ADPRM: variants seen among roughly 807,000 people sequenced by gnomAD.
The protein encoded by ADPRM is manganese-dependent ADP-ribose/CDP-alcohol diphosphatase.
A neutral mutation model predicts 27.2 loss-of-function variants in ADPRM; 17 were observed. That is an observed-to-expected ratio of 0.63 (90% CI 0.43 to 0.94). The LOEUF is 0.94. Ranked by LOEUF, ADPRM falls within the 40% of genes least tolerant of loss-of-function variation. The pLI, the probability that ADPRM is intolerant of heterozygous loss-of-function variation, is 0.00. For synonymous variants in ADPRM, 135 were observed against 145.3 expected, an observed-to-expected ratio of 0.93 and a Z score of 0.51; for missense variants, 337 against 412.8, an observed-to-expected ratio of 0.82 and a Z score of 1.59.
intron 3 of ADPRM, among the ~76,000 whole-genome samples, chr17:10,710,590 G>C (rs1380183551): frequency 2.0e-5 from 3 of 152,146 alleles, no homozygotes; most frequent in Admixed American, 6.5e-5. Context: ...AGAGATTCAG[G>C]GTTTTGCCTC....
At chr17:10,700,104 A>G (rs2520161) in intron 1 of ADPRM, among the ~76,000 whole-genome samples, 76,136 of 151,960 alleles carry the variant, frequency 0.5, 19,880 homozygotes, top group African/African-American at 0.65. Flanking sequence ...CGTAGAAAAC[A>G]TATGCTGCAC....
chr17:10,706,166 CAA>C (rs748630480), intron 2 of ADPRM, among the ~76,000 whole-genome samples: 2 of 152,106 alleles, frequency 1.3e-5, no homozygotes, highest in Non-Finnish European at 2.9e-5. Flanking sequence ...TAAACGGGGC[CAA>C]GAATATGTAG....
intron 1 of ADPRM, among the ~76,000 whole-genome samples, chr17:10,701,630 A>G (rs1343088652): frequency 6.6e-6 from 1 of 151,902 alleles, no homozygotes; most frequent in Non-Finnish European, 1.5e-5. Flanking sequence ...CGCCTGGCCT[A>G]TATGTACATT....
intron 2 of ADPRM, 51 bp from the exon 3 acceptor site, chr17:10,706,387 A>C (rs746680905): frequency 1.5e-6 from 2 of 1,323,384 alleles, no homozygotes. Context: ...TTGAATGTCC[A>C]AATGAGGGGA....
In ADPRM at chr17:10,706,458, G is replaced by A. The variant is rs760852389; in HGVS notation, c.622G>A (p.Val208Ile). 5.0e-6 allele frequency: 8 copies of A among 1,599,504 alleles called. No homozygotes were observed. The highest frequency in any genetic ancestry group is 6.0e-6 in the Non-Finnish European group (7 of 1,174,962). The change falls in exon 3 of 4, where the codon GTC becomes ATC. Residue 208 changes from valine to isoleucine, a missense_variant. Physicochemically the swap from Val to Ile is conservative, Grantham distance 29. Transcript: ENST00000379774. ...SPQGLSEPQF[V>I]QFNGGFSQEQ... The stretch of plus-strand genomic sequence containing the variant: ...TTCAGGACTTTCTGAGCCCCAGTTT[G>A]TCCAGTTTAATGGAGGATTCAGCCA...
chr17:10,702,510 T>C lies in ADPRM; in HGVS notation c.-17-2400T>C, dbSNP rs1597514720. On this transcript the variant is annotated intron_variant, in intron 1 of 3. Transcript: ENST00000379774. This position sits in a 1 kb window ranked among gnomAD's most constrained non-coding sequence, Gnocchi z 4.2. ...TGAATTTAGGTATTCAACTAATGTT[T>C]TCAGAAATCTCCATCTTTCCATCAT... Among the ~76,000 whole-genome samples the C allele has an allele frequency of 2.6e-5, 4 of 152,340 alleles. No individual in the cohort carries two copies. Among genetic ancestry groups the C allele is most frequent in the Admixed American group, 2.6e-4 (4 of 15,306 alleles).
Position 10,711,109 on chromosome 17 carries a change from A to G in ADPRM, c.994A>G (p.Met332Val). ...KGRGRVPDRI[M>V]NYKKERAFHC ...GAGAGGCAGAGTTCCAGATAGAATT[A>G]TGAATTACAAGAAAGAAAGAGCCTT... The change falls in exon 4 of 4, where the codon ATG becomes GTG. Residue 332 changes from methionine (M) to valine (V), a missense_variant. Transcript: ENST00000379774. The G allele has an allele frequency of 6.2e-7, 1 of 1,611,410 alleles. No homozygotes were observed. The highest frequency in any genetic ancestry group is 1.3e-5 in the African/African-American group (1 of 74,972).
Position 10,711,178 on chromosome 17 carries a change from TTG to T in ADPRM, c.*38_*39del, listed in dbSNP as rs1185850966. 1.3e-6 allele frequency: 2 copies of T among 1,535,552 alleles called. No homozygotes were observed. Among genetic ancestry groups the T allele is most frequent in the Non-Finnish European group, 1.8e-6 (2 of 1,130,892 alleles). On this transcript the variant is annotated 3_prime_UTR_variant, in exon 4 of 4. Transcript: ENST00000379774. ...ATTTTAACTTGATAGAAAATGAGCT[TTG>T]TGTTTGTCCCTCCTAAACAAAAAAA... is the stretch of plus-strand genomic sequence containing the variant.
chr17:10,706,408 G>C, intron 2 of ADPRM, 30 bp from the exon 3 acceptor site: 1 of 1,494,828 alleles, frequency 6.7e-7, no homozygotes. Flanking sequence ...AAAATGACTT[G>C]ATGGGGCTAA....
At chr17:10,710,189 C>T (rs908515069) in intron 3 of ADPRM, among the ~76,000 whole-genome samples, 1 of 152,198 alleles carries the variant, frequency 6.6e-6, no homozygotes, top group East Asian at 1.9e-4. Flanking sequence ...GCAACCTCCA[C>T]CTCCCGGGTT....
At chr17:10,709,988 G>T (rs1452151895) in intron 3 of ADPRM, among the ~76,000 whole-genome samples, 1 of 152,204 alleles carries the variant, frequency 6.6e-6, no homozygotes, top group Non-Finnish European at 1.5e-5. Context: ...AGTGGGTATG[G>T]CTACCTTGAT....
Position 10,697,612 on chromosome 17 carries a change from T to G in ADPRM, c.-73T>G. 7.0e-7 allele frequency: 1 copy of G among 1,419,994 alleles called. No individual in the cohort carries two copies. The highest frequency in any genetic ancestry group is 9.8e-7 in the Non-Finnish European group (1 of 1,021,840). 88.0% of individuals were successfully genotyped at this position (1,419,994 alleles called of 1,614,324 possible). A position where few individuals can be genotyped will look rare whatever the true frequency, so the allele number is the denominator to read the frequency against. On this transcript the variant is annotated 5_prime_UTR_variant, in exon 1 of 4. Transcript: ENST00000379774. The stretch of plus-strand genomic sequence containing the variant: ...TCGCTCTGTCCGTCCCGCTCGTTGG[T>G]GGCGCTGTTACATAGCCCGTAGTCA...
Position 10,710,890 on chromosome 17 carries a change from A to G in ADPRM, c.775A>G (p.Arg259Gly). ...CAATGTGTGCCTGGCCTGGAACTACAGAGATGCCCTGGCAGTCATTTGGTC... is the reference window on the plus strand; with the variant it reads ...CAATGTGTGCCTGGCCTGGAACTACGGAGATGCCCTGGCAGTCATTTGGTC... ...SDNVCLAWNY[R>G]DALAVIWSHE... Residue 259 changes from arginine to glycine, a missense_variant, in exon 4 of 4, where the codon AGA becomes GGA. By Grantham distance (125) the Arg-to-Gly change is moderately radical. Transcript: ENST00000379774. 2 of 1,614,222 alleles carry G rather than the reference A, an allele frequency of 1.2e-6. No homozygotes were observed. The highest frequency in any genetic ancestry group is 1.7e-6 in the Non-Finnish European group (2 of 1,180,040).
In ADPRM at chr17:10,705,630, T is replaced by A; in HGVS notation, c.601+103T>A. The stretch of plus-strand genomic sequence containing the variant: ...GGACAATTAAGGTAAAAGTATATTG[T>A]CACTTGTTCAGGGTCAGGATTTCTC... On this transcript the variant is annotated intron_variant, in intron 2 of 3. Transcript: ENST00000379774. The surrounding 1 kb of genome is among the most constrained non-coding windows in gnomAD (Gnocchi z 5.4). 6.8e-7 allele frequency: 1 copy of A among 1,473,910 alleles called. No homozygotes were observed. The highest frequency in any genetic ancestry group is 9.0e-7 in the Non-Finnish European group (1 of 1,109,168). The allele number at this position is 1,473,910 out of a possible 1,614,324, so 91.3% of individuals were successfully genotyped here. A position where few individuals can be genotyped will look rare whatever the true frequency, so the allele number is the denominator to read the frequency against.
chr17:10,709,627 CT>C (rs2074837965), intron 3 of ADPRM, among the ~76,000 whole-genome samples: 1 of 151,774 alleles, frequency 6.6e-6, no homozygotes, highest in Non-Finnish European at 1.5e-5. Context: ...GCTGCAGGGA[CT>C]TGATAGATGA....
chr17:10,700,843 A>G (rs2520156), intron 1 of ADPRM, among the ~76,000 whole-genome samples: 9,037 of 152,020 alleles, frequency 0.059, 873 homozygotes, highest in African/African-American at 0.2. Context: ...GTACTATGAC[A>G]TGATAGGAAT....
At chr17:10,706,077 G>A in intron 2 of ADPRM, 2 of 191,190 alleles carry the variant, frequency 1.0e-5, no homozygotes, top group Non-Finnish European at 2.2e-5. Flanking sequence ...AACCTGCAAA[G>A]GCACTAAATG....
chr17:10,710,502 C>G (rs1198237471), intron 3 of ADPRM, among the ~76,000 whole-genome samples: 1 of 152,266 alleles, frequency 6.6e-6, no homozygotes, highest in Non-Finnish European at 1.5e-5. Flanking sequence ...CAGTTTCAGG[C>G]TGCCTTTGCA....
At chr17:10,701,052 C>G (rs11869915) in intron 1 of ADPRM, among the ~76,000 whole-genome samples, 1 of 152,044 alleles carries the variant, frequency 6.6e-6, no homozygotes, top group African/African-American at 2.4e-5. Context: ...TTGAAGCTCA[C>G]GATAACCTAT....
Sources: allele counts gnomAD v4.1 joint callset (sites outside exome capture counted in the v4.1 genomes callset), GRCh38; gene constraint gnomAD v4.1.1; non-coding constraint Gnocchi (gnomAD v3.1); transcripts MANE v1.5; gene names NCBI Gene and HGNC (gene_info 2026-07-23, HGNC 2026-07-21).